Variants in USPL1 observed in about 807,000 individuals in gnomAD.
The protein encoded by USPL1 is SUMO-specific isopeptidase USPL1.
USPL1 carries 27 observed loss-of-function variants against 51.5 expected under a neutral mutation model. That is an observed-to-expected ratio of 0.52 (90% CI 0.39 to 0.72). The LOEUF is 0.72. USPL1 is among the 30% of genes least tolerant of loss of function. USPL1 has a pLI of 0.00. For missense variants in USPL1, 1,226 were observed against 1,268.0 expected (o/e 0.97, Z 0.50); for synonymous variants, 451 against 459.6 (o/e 0.98, Z 0.24).
chr13:30,657,391 C>T, intron 8 of USPL1, 83 bp from the exon 9 acceptor site: 2 of 1,370,108 alleles, frequency 1.5e-6, no homozygotes, highest in Non-Finnish European at 2.0e-6. Context: ...TTCAATGATA[C>T]AACAGTTGAA....
intron 3 of USPL1, among the ~76,000 whole-genome samples, chr13:30,630,613 C>G (rs1950788422): frequency 1.3e-5 from 2 of 152,000 alleles, no homozygotes; most frequent in Non-Finnish European, 2.9e-5. Flanking sequence ...CAGATTAAAC[C>G]CTTGATTGTT....
At chr13:30,649,736 A>G (rs1951063873) in intron 7 of USPL1, among the ~76,000 whole-genome samples, 1 of 152,238 alleles carries the variant, frequency 6.6e-6, no homozygotes, top group South Asian at 2.1e-4. Flanking sequence ...ATCTTTGGGT[A>G]GCAGAGGTTA....
At chr13:30,635,669 G>A (rs1158231958) in intron 4 of USPL1, among the ~76,000 whole-genome samples, 2 of 152,048 alleles carry the variant, frequency 1.3e-5, no homozygotes, top group African/African-American at 4.8e-5. Flanking sequence ...TTCTTTGCTT[G>A]ACATTGTAGA....
Position 30,657,930 on chromosome 13 carries a change from G to T in USPL1, c.1853G>T (p.Gly618Val). Residue 618 changes from glycine to valine, a missense_variant, in exon 9 of 9, where the codon GGA becomes GTA. Gly to Val is a moderately radical substitution (Grantham distance 109, BLOSUM62 -3). Transcript: ENST00000255304. ...LENKPVAENT[G>V]ILKTNTLLSQ... is the part of the protein sequence containing the mutation. Reference sequence around the variant, plus strand: ...AATAAACCTGTAGCAGAAAATACAGGAATTCTCAAAACCAATACTTTGCTA... The same window carrying T: ...AATAAACCTGTAGCAGAAAATACAGTAATTCTCAAAACCAATACTTTGCTA... The T allele has an allele frequency of 6.2e-7, 1 of 1,613,744 alleles. No homozygotes were observed. Among genetic ancestry groups the T allele is most frequent in the South Asian group, 1.1e-5 (1 of 91,074 alleles).
intron 8 of USPL1, among the ~76,000 whole-genome samples, chr13:30,656,515 GT>G (rs756524553): frequency 6.6e-6 from 1 of 152,164 alleles, no homozygotes; most frequent in Non-Finnish European, 1.5e-5. Flanking sequence ...AGATTCATTT[GT>G]GTTGTGGGAT....
intron 2 of USPL1, 93 bp downstream of exon 2, chr13:30,621,332 C>T: frequency 1.1e-6 from 1 of 926,628 alleles, no homozygotes; most frequent in Non-Finnish European, 1.6e-6. Flanking sequence ...CAGTTAACTT[C>T]TAAAAAATTG....
At chr13:30,647,989 C>T (rs1485280728) in intron 7 of USPL1, among the ~76,000 whole-genome samples, 5 of 152,114 alleles carry the variant, frequency 3.3e-5, no homozygotes, top group Non-Finnish European at 5.9e-5. Flanking sequence ...CCTATTCTAC[C>T]GTAATGCAGT....
In USPL1 at chr13:30,658,017, A is replaced by T. The variant is rs1285417285; in HGVS notation, c.1940A>T (p.Asp647Val). The T allele has an allele frequency of 1.9e-6, 3 of 1,613,252 alleles. No individual in the cohort carries two copies. Among genetic ancestry groups the T allele is most frequent in the African/African-American group, 2.7e-5 (2 of 74,928 alleles). The stretch of plus-strand genomic sequence containing the variant: ...CCATGTAATGAAAAGCTTATTCAAG[A>T]CCAATTTGTGGACATAAGTTTTCCA... ...SAPCNEKLIQ[D>V]QFVDISFPSQ... The change falls in exon 9 of 9, where the codon GAC (aspartate) becomes GTC (valine). Residue 647 changes from aspartate to valine, a missense_variant. Coordinates refer to ENST00000255304, the MANE Select transcript of USPL1 (RefSeq NM_005800.5).
Position 30,658,560 on chromosome 13 carries a change from C to A in USPL1, c.2483C>A (p.Pro828Gln). Residue 828 changes from proline (P) to glutamine (Q), a missense_variant, in exon 9 of 9, where the codon CCA becomes CAA. By Grantham distance (76) the Pro-to-Gln change is moderately conservative. Coordinates refer to ENST00000255304, the MANE Select transcript of USPL1 (RefSeq NM_005800.5). The stretch of plus-strand genomic sequence containing the variant: ...AGTAAGCCTCCTCCCATCAGTAAGC[C>A]ACCAGCAGGCCCTCCATCGTCTAAT... The part of the protein sequence containing the change: ...SASKPPPISK[P>Q]PAGPPSSNGT... The A allele has an allele frequency of 6.2e-7, 1 of 1,614,132 alleles. No homozygotes were observed. The highest frequency in any genetic ancestry group is 8.5e-7 in the Non-Finnish European group (1 of 1,180,006).
chr13:30,634,449 AG>A (rs1950848247), intron 4 of USPL1, among the ~76,000 whole-genome samples: 1 of 152,242 alleles, frequency 6.6e-6, no homozygotes, highest in Admixed American at 6.5e-5. Flanking sequence ...ACACGGATGA[AG>A]AGGGACCACT....
intron 4 of USPL1, among the ~76,000 whole-genome samples, chr13:30,634,666 T>C (rs1950851745): frequency 6.6e-6 from 1 of 152,192 alleles, no homozygotes; most frequent in African/African-American, 2.4e-5. Flanking sequence ...TGTGACCATT[T>C]GGGGGGCAAG....
At chr13:30,636,761 A>G (rs1352378773) in intron 4 of USPL1, among the ~76,000 whole-genome samples, 1 of 152,224 alleles carries the variant, frequency 6.6e-6, no homozygotes, top group Non-Finnish European at 1.5e-5. Context: ...TCAGCTGAAT[A>G]TAGTGGCATG....
Position 30,658,390 on chromosome 13 carries a change from G to T in USPL1, c.2313G>T (p.Met771Ile). 6.2e-7 allele frequency: 1 copy of T among 1,613,574 alleles called. No individual in the cohort carries two copies. The highest frequency in any genetic ancestry group is 1.1e-5 in the South Asian group (1 of 91,048). Reference protein sequence around the residue: ...KGLISRGASFMPLCVSAHNRN... With the variant: ...KGLISRGASFIPLCVSAHNRN... The stretch of plus-strand genomic sequence containing the variant: ...TAATAAGCAGGGGTGCTTCTTTTAT[G>T]CCACTCTGTGTTTCAGCTCATAATA... Residue 771 changes from methionine to isoleucine, a missense_variant, in exon 9 of 9, where the codon ATG becomes ATT. Physicochemically the swap from Met to Ile is conservative, Grantham distance 10 (BLOSUM62 1). Coordinates refer to ENST00000255304, the MANE Select transcript of USPL1 (RefSeq NM_005800.5).
Position 30,658,140 on chromosome 13 carries a change from T to G in USPL1, c.2063T>G (p.Ile688Arg), listed in dbSNP as rs753931460. The G allele has an allele frequency of 6.2e-7, 1 of 1,613,708 alleles. No homozygotes were observed. The highest frequency in any genetic ancestry group is 1.1e-5 in the South Asian group (1 of 90,964). ...SVNNTDATGLIQGVKSVEIEK... is the reference protein window; with the variant it reads ...SVNNTDATGLRQGVKSVEIEK... ...AATAATACTGATGCTACTGGTCTTATACAGGGAGTGAAGTCAGTAGAAATT... is the reference window on the plus strand; with the variant it reads ...AATAATACTGATGCTACTGGTCTTAGACAGGGAGTGAAGTCAGTAGAAATT... The change falls in exon 9 of 9, where the codon ATA (isoleucine) becomes AGA (arginine). Residue 688 changes from isoleucine (I) to arginine (R), a missense_variant. Physicochemically the swap from Ile to Arg is moderately conservative, Grantham distance 97 (BLOSUM62 -3). Transcript: ENST00000255304.
chr13:30,635,511 A>G (rs557436370), intron 4 of USPL1, among the ~76,000 whole-genome samples: 2 of 152,228 alleles, frequency 1.3e-5, no homozygotes, highest in East Asian at 3.9e-4. Flanking sequence ...CTAACCCAGC[A>G]CTCATACTTT....
intron 5 of USPL1, among the ~76,000 whole-genome samples, chr13:30,641,701 T>C (rs765650808): frequency 3.9e-5 from 6 of 152,204 alleles, no homozygotes; most frequent in Non-Finnish European, 8.8e-5. Context: ...TGTAAAGTTG[T>C]TAAAGGAAAG....
intron 3 of USPL1, among the ~76,000 whole-genome samples, chr13:30,628,267 G>C (rs1002628302): frequency 1.3e-5 from 2 of 151,666 alleles, no homozygotes; most frequent in Admixed American, 6.6e-5. Context: ...TGCCTTTTTT[G>C]TGACTGGCTT....
intron 5 of USPL1, among the ~76,000 whole-genome samples, chr13:30,639,311 T>C (rs1248282208): frequency 6.6e-6 from 1 of 151,932 alleles, no homozygotes; most frequent in African/African-American, 2.4e-5. Flanking sequence ...CTTTTGTACA[T>C]GCTGGACAGC....
chr13:30,650,393 G>T (rs1468258980), intron 7 of USPL1, among the ~76,000 whole-genome samples: 3 of 151,646 alleles, frequency 2.0e-5, no homozygotes, highest in Admixed American at 2.0e-4. Flanking sequence ...CCTGGCCAAC[G>T]TGGTGAAACC....
Sources: gnomAD v4.1 joint callset for allele counts (sites outside exome capture counted in the v4.1 genomes callset) on GRCh38, gnomAD v4.1.1 for gene constraint, MANE v1.5 for transcripts, NCBI Gene and HGNC (gene_info 2026-07-23, HGNC 2026-07-21) for gene names.